The following PLEKHD1 variants were observed in gnomAD, a reference collection of about 807,000 sequenced individuals.
PLEKHD1 encodes the protein pleckstrin homology domain-containing family D member 1.
PLEKHD1 carries 51 observed loss-of-function variants against 69.2 expected under a neutral mutation model. The ratio of observed to expected loss-of-function variants is 0.74; its 90% CI spans 0.59 to 0.93. PLEKHD1 has a LOEUF of 0.93. Ranked by LOEUF, PLEKHD1 falls within the 40% of genes least tolerant of loss-of-function variation. The pLI, the probability that PLEKHD1 is intolerant of heterozygous loss-of-function variation, is 0.00. For missense variants in PLEKHD1, 584 were observed against 641.0 expected (o/e 0.91, Z 0.96); for synonymous variants, 236 against 244.7 (o/e 0.96, Z 0.33).
Position 69,495,018 on chromosome 14 carries a change from C to G in PLEKHD1, c.150-5097C>G, listed in dbSNP as rs190703951. Among the ~76,000 whole-genome samples, 3 of 152,286 alleles carry G rather than the reference C, an allele frequency of 2.0e-5. No individual in the cohort carries two copies. In the East Asian group the frequency reaches 5.8e-4, roughly 29 times the overall value. On this transcript the variant is annotated intron_variant, in intron 1 of 12. Transcript: ENST00000322564. ...CCCTTGACCCCCATCTCCACCCAAGCCATTCTGGGGACAGCTGCAGCCAGG... is the reference window on the plus strand; with the variant it reads ...CCCTTGACCCCCATCTCCACCCAAGGCATTCTGGGGACAGCTGCAGCCAGG...
the PLEKHD1 span, among the ~76,000 whole-genome samples, chr14:69,478,628 G>A: frequency 4.9e-4 from 75 of 152,120 alleles, 1 homozygote; most frequent in Non-Finnish European, 8.7e-4. Flanking sequence ...TAGGGCAGGG[G>A]CAAAATGCTA....
rs1160216294 is a variant in PLEKHD1 at position 69,530,416 on chromosome 14, C to T, written c.*1997C>T. On this transcript the variant is annotated 3_prime_UTR_variant, in exon 13 of 13. Coordinates refer to ENST00000322564, the MANE Select transcript of PLEKHD1 (RefSeq NM_001161498.2). The stretch of plus-strand genomic sequence containing the variant: ...GTGTATAACATGCATAAACCTGGAA[C>T]TTGTTTCTCTAACACGTATGAAGGA... The T allele has an allele frequency of 6.6e-6, 1 of 152,150 alleles. No individual in the cohort carries two copies. The highest frequency in any genetic ancestry group is 1.5e-5 in the Non-Finnish European group (1 of 68,046). The allele number at this position is 152,150 out of a possible 1,614,324, so 9.4% of individuals were successfully genotyped here.
chr14:69,507,725 G>A, intron 6 of PLEKHD1, among the ~76,000 whole-genome samples: 1 of 152,058 alleles, frequency 6.6e-6, no homozygotes, highest in Non-Finnish European at 1.5e-5. Context: ...TCAATTTTTA[G>A]TTTTTGAGAC....
Position 69,485,061 on chromosome 14 carries a change from C to G in PLEKHD1, c.96C>G (p.Tyr32Ter). 6.4e-7 allele frequency: 1 copy of G among 1,551,358 alleles called. No homozygotes were observed. The highest frequency in any genetic ancestry group is 1.7e-4 in the Middle Eastern group (1 of 5,992). The stretch of plus-strand genomic sequence containing the variant: ...ATATCAGCACCAAAGTGCAGCTCTA[C>G]GGCGTGCTGTGGAAGAGGCCTTTCG... Reference protein sequence around the residue: ...ALDISTKVQLYGVLWKRPFGR... With the variant: ...ALDISTKVQL Residue 32 changes from tyrosine to a stop codon, truncating the protein, a stop_gained, in exon 1 of 13, where the codon TAC (tyrosine) becomes TAG (stop). Coordinates refer to ENST00000322564, the MANE Select transcript of PLEKHD1 (RefSeq NM_001161498.2). LOFTEE classifies it high-confidence loss of function.
At chr14:69,499,287 G>A (rs1021484688) in intron 1 of PLEKHD1, among the ~76,000 whole-genome samples, 5 of 149,170 alleles carry the variant, frequency 3.4e-5, no homozygotes, top group East Asian at 2.0e-4. Context: ...TTTCAGAATC[G>A]CCACCACATT....
chr14:69,492,364 T>C (rs1184731227), intron 1 of PLEKHD1, among the ~76,000 whole-genome samples: 1 of 152,170 alleles, frequency 6.6e-6, no homozygotes, highest in Non-Finnish European at 1.5e-5. Context: ...CCCTAAACCA[T>C]TGATTCCTCC....
chr14:69,512,506 T>C (rs1883292805), intron 6 of PLEKHD1, among the ~76,000 whole-genome samples: 1 of 152,080 alleles, frequency 6.6e-6, no homozygotes, highest in Non-Finnish European at 1.5e-5. Context: ...TTTCTTCTTT[T>C]CTAATATATT....
the PLEKHD1 span, among the ~76,000 whole-genome samples, chr14:69,473,853 A>G: frequency 6.6e-6 from 1 of 152,136 alleles, no homozygotes; most frequent in Non-Finnish European, 1.5e-5. Flanking sequence ...TTTGATAACC[A>G]TCTTCAGATA....
upstream of PLEKHD1, among the ~76,000 whole-genome samples, chr14:69,480,464 AGG>A (rs1409717524): frequency 6.6e-6 from 1 of 152,112 alleles, no homozygotes; most frequent in Non-Finnish European, 1.5e-5. Context: ...TCAGGGACAG[AGG>A]GGCAGGGAGC....
the PLEKHD1 span, among the ~76,000 whole-genome samples, chr14:69,471,621 A>G: frequency 6.6e-6 from 1 of 152,156 alleles, no homozygotes; most frequent in Admixed American, 6.5e-5. Flanking sequence ...CTCATTCAGG[A>G]CTGGGCATCG....
At chr14:69,523,056 C>G (rs1305389644) in intron 7 of PLEKHD1, among the ~76,000 whole-genome samples, 8 of 152,160 alleles carry the variant, frequency 5.3e-5, no homozygotes. Flanking sequence ...CCTCAGCCTC[C>G]TGAGGAGCTG....
At position 69,529,893 on chromosome 14, in the gene PLEKHD1, GTCTC is replaced by G; in HGVS notation, c.*1477_*1480del. ...CTCCAGGGGGCTGAAGGGTGTGTCT[GTCTC>G]TCACTCATGGACAGACAGACTGCCC... On this transcript the variant is annotated 3_prime_UTR_variant, in exon 13 of 13. Transcript: ENST00000322564. 1 of 152,274 alleles carries G rather than the reference GTCTC, an allele frequency of 6.6e-6. No individual in the cohort carries two copies. The highest frequency in any genetic ancestry group is 2.4e-5 in the African/African-American group (1 of 41,542). The allele number at this position is 152,274 out of a possible 1,614,324, so 9.4% of individuals were successfully genotyped here.
chr14:69,481,460 G>T (rs1003008744), upstream of PLEKHD1, among the ~76,000 whole-genome samples: 1 of 152,308 alleles, frequency 6.6e-6, no homozygotes, highest in Non-Finnish European at 1.5e-5. Context: ...AAAAATTCCT[G>T]AAAAGAGAGG....
At chr14:69,503,106 T>A in intron 6 of PLEKHD1, 1 of 549,450 alleles carries the variant, frequency 1.8e-6, no homozygotes, top group East Asian at 3.2e-5. Context: ...GTGAAAAGGG[T>A]GGGTGATGAC....
intron 1 of PLEKHD1, among the ~76,000 whole-genome samples, chr14:69,486,238 AGTG>A: frequency 6.6e-6 from 1 of 152,200 alleles, no homozygotes; most frequent in East Asian, 1.9e-4. Flanking sequence ...TGGATGTGGT[AGTG>A]GTGGGTGCTG....
Position 69,526,771 on chromosome 14 carries a change from T to C in PLEKHD1, c.998T>C (p.Leu333Pro). 6.4e-7 allele frequency: 1 copy of C among 1,550,628 alleles called. No individual in the cohort carries two copies. Among genetic ancestry groups the C allele is most frequent in the Non-Finnish European group, 8.7e-7 (1 of 1,146,568 alleles). ...TTCTACTCCAGCCAGTCCCAGGCACTGCAGAACTCGCTGCAGGAGCTGACG... is the reference window on the plus strand; with the variant it reads ...TTCTACTCCAGCCAGTCCCAGGCACCGCAGAACTCGCTGCAGGAGCTGACG... ...REFYSSQSQA[L>P]QNSLQELTAE... Residue 333 changes from leucine (L) to proline (P), a missense_variant, in exon 10 of 13, where the codon CTG becomes CCG. Coordinates refer to ENST00000322564, the MANE Select transcript of PLEKHD1 (RefSeq NM_001161498.2).
chr14:69,470,860 C>T, the PLEKHD1 span, among the ~76,000 whole-genome samples: 1 of 150,834 alleles, frequency 6.6e-6, no homozygotes, highest in Non-Finnish European at 1.5e-5. Flanking sequence ...TCCGCGATCT[C>T]GGCTCACTGC....
chr14:69,530,582 C>T lies in PLEKHD1; in HGVS notation c.*2163C>T, dbSNP rs184656637. 1 of 152,166 alleles carries T rather than the reference C, an allele frequency of 6.6e-6. No individual in the cohort carries two copies. Among genetic ancestry groups the T allele is most frequent in the African/African-American group, 2.4e-5 (1 of 41,512 alleles). The allele number at this position is 152,166 out of a possible 1,614,324, so 9.4% of individuals were successfully genotyped here. On this transcript the variant is annotated 3_prime_UTR_variant, in exon 13 of 13. Coordinates refer to ENST00000322564, the MANE Select transcript of PLEKHD1 (RefSeq NM_001161498.2). ...TGTTTTTCTTGGGCGAGCTATTAACCAGACAGGAAAGTGCTAGTCTTCGTT... is the reference window on the plus strand; with the variant it reads ...TGTTTTTCTTGGGCGAGCTATTAACTAGACAGGAAAGTGCTAGTCTTCGTT...
chr14:69,479,434 T>C, the PLEKHD1 span, among the ~76,000 whole-genome samples: 2 of 151,904 alleles, frequency 1.3e-5, no homozygotes, highest in African/African-American at 4.8e-5. Flanking sequence ...CGCATGATGG[T>C]GGGGAGCTGG....
Sources: allele counts gnomAD v4.1 joint callset (sites outside exome capture counted in the v4.1 genomes callset), GRCh38; gene constraint gnomAD v4.1.1; transcripts MANE v1.5; gene names NCBI Gene and HGNC (gene_info 2026-07-23, HGNC 2026-07-21).